The following DYNC2H1 variants were observed in gnomAD, a reference collection of about 807,000 sequenced individuals.
The protein encoded by DYNC2H1 is cytoplasmic dynein 2 heavy chain 1.
DYNC2H1 carries 410 observed loss-of-function variants against 570.0 expected under a neutral mutation model. The observed-to-expected ratio is 0.72, with a 90% CI of 0.66 to 0.78. The LOEUF (loss-of-function observed/expected upper bound fraction) is 0.78. Among genes scored for constraint, DYNC2H1 ranks in the 30% least tolerant of loss-of-function variants. The pLI, the probability that DYNC2H1 is intolerant of heterozygous loss-of-function variation, is 0.00. For missense variants in DYNC2H1, 4,865 were observed against 5,046.4 expected (o/e 0.96, Z 1.09); for synonymous variants, 1,688 against 1,677.6 (o/e 1.01, Z -0.15).
In DYNC2H1 at chr11:103,268,404, G is replaced by A. The variant is rs1865586316; in HGVS notation, c.10695+8427G>A. Reference sequence around the variant, plus strand: ...TTTAAATAAGCTTTTGCTTTATATAGAAAAAGTCTATTTTGCTGTAATTAT... The same window carrying A: ...TTTAAATAAGCTTTTGCTTTATATAAAAAAAGTCTATTTTGCTGTAATTAT... On this transcript the variant is annotated intron_variant, in intron 70 of 88. Coordinates refer to ENST00000375735, the MANE Select transcript of DYNC2H1 (RefSeq NM_001377.3). This position sits in a 1 kb window ranked among gnomAD's most constrained non-coding sequence, Gnocchi z 4.6. 6.6e-6 allele frequency among the ~76,000 whole-genome samples: 1 copy of A among 151,716 alleles called. No individual in the cohort carries two copies. Among genetic ancestry groups the A allele is most frequent in the African/African-American group, 2.4e-5 (1 of 41,364 alleles).
intron 84 of DYNC2H1, among the ~76,000 whole-genome samples, chr11:103,419,817 G>C (rs1469828701): frequency 6.6e-6 from 1 of 152,046 alleles, no homozygotes; most frequent in African/African-American, 2.4e-5. Flanking sequence ...GCTTCAGAAG[G>C]TGTGTAATAA....
At chr11:103,314,531 A>G (rs534105010) in intron 79 of DYNC2H1, among the ~76,000 whole-genome samples, 1 of 152,190 alleles carries the variant, frequency 6.6e-6, no homozygotes, top group African/African-American at 2.4e-5. Context: ...ACACCTATTT[A>G]TAGCTGTCAA....
intron 48 of DYNC2H1, among the ~76,000 whole-genome samples, chr11:103,198,280 G>A (rs1369618820): frequency 6.6e-6 from 1 of 152,118 alleles, no homozygotes; most frequent in Non-Finnish European, 1.5e-5. Flanking sequence ...TTTGGGCAAA[G>A]GTATGTTGGA....
chr11:103,232,093 T>A (rs1040007382), intron 60 of DYNC2H1, among the ~76,000 whole-genome samples: 1 of 151,950 alleles, frequency 6.6e-6, no homozygotes, highest in African/African-American at 2.4e-5. Flanking sequence ...ATAAGTATAA[T>A]GTATTATTTT....
In DYNC2H1 at chr11:103,235,907, T is replaced by C. The variant is rs558705968; in HGVS notation, c.9709+94T>C. 19 of 1,443,418 alleles carry C rather than the reference T, an allele frequency of 1.3e-5. No individual in the cohort carries two copies. In the East Asian group the frequency reaches 4.2e-4, roughly 32 times the overall value. The allele number at this position is 1,443,418 out of a possible 1,614,324, so 89.4% of individuals were successfully genotyped here. A position where few individuals can be genotyped will look rare whatever the true frequency, so the allele number is the denominator to read the frequency against. ...TACTAAAAATAGACCCTTTATTCTC[T>C]GTTATTTTACCTTTTTTAAATGGGG... On this transcript the variant is annotated intron_variant, in intron 62 of 88. Transcript: ENST00000375735.
intron 83 of DYNC2H1, among the ~76,000 whole-genome samples, chr11:103,360,085 G>A (rs1940563138): frequency 1.3e-5 from 2 of 151,484 alleles, no homozygotes; most frequent in Admixed American, 1.3e-4. Flanking sequence ...TAGAATCTGG[G>A]TAGAGTACAA....
chr11:103,139,102 C>A (rs1859746339), intron 17 of DYNC2H1, among the ~76,000 whole-genome samples: 1 of 151,716 alleles, frequency 6.6e-6, no homozygotes, highest in Non-Finnish European at 1.5e-5. Flanking sequence ...ATTCTTCTCT[C>A]TTTTTTTCTT....
At chr11:103,207,986 G>A (rs1863004983) in intron 52 of DYNC2H1, among the ~76,000 whole-genome samples, 2 of 152,128 alleles carry the variant, frequency 1.3e-5, no homozygotes, top group Admixed American at 1.3e-4. Context: ...GTAGATAGTA[G>A]GTTTCAGTGG....
intron 82 of DYNC2H1, among the ~76,000 whole-genome samples, chr11:103,347,189 ACTCAGTTTAATCAATAGG>A (rs1364678794): frequency 1.3e-5 from 2 of 152,220 alleles, no homozygotes; most frequent in Non-Finnish European, 2.9e-5. Flanking sequence ...AAGATAACGA[ACTCAGTTTAATCAATAGG>A]TTAATGGCAG....
chr11:103,342,782 T>C (rs72977681), intron 82 of DYNC2H1, among the ~76,000 whole-genome samples: 32,837 of 151,876 alleles, frequency 0.22, 3,678 homozygotes, highest in Admixed American at 0.31. Context: ...TGCACCTGGC[T>C]GGGTCTGTGC....
intron 65 of DYNC2H1, among the ~76,000 whole-genome samples, chr11:103,250,622 C>T (rs1864794686): frequency 6.6e-6 from 1 of 152,090 alleles, no homozygotes. Context: ...TTTGTTATTT[C>T]ATTCCTATCA....
chr11:103,444,984 G>C (rs1003996126), intron 85 of DYNC2H1, among the ~76,000 whole-genome samples: 1 of 152,156 alleles, frequency 6.6e-6, no homozygotes, highest in African/African-American at 2.4e-5. Context: ...GATTCCGCTG[G>C]TATATGAATA....
intron 84 of DYNC2H1, among the ~76,000 whole-genome samples, chr11:103,424,501 CTTAT>C (rs1298592581): frequency 6.6e-6 from 1 of 152,046 alleles, no homozygotes; most frequent in Non-Finnish European, 1.5e-5. Context: ...CATACAAATA[CTTAT>C]TTGTGAATGT....
At chr11:103,399,563 A>T in intron 83 of DYNC2H1, 100 bp from the exon 84 acceptor site, 1 of 818,358 alleles carries the variant, frequency 1.2e-6, no homozygotes, top group Non-Finnish European at 1.9e-6. Flanking sequence ...AATAGTTTTT[A>T]AAACAGAATA....
chr11:103,166,744 A>C (rs1861321935), intron 31 of DYNC2H1, among the ~76,000 whole-genome samples: 1 of 151,974 alleles, frequency 6.6e-6, no homozygotes, highest in African/African-American at 2.4e-5. Flanking sequence ...GGCAGCATTC[A>C]AGATTTTCTC....
At position 103,179,006 on chromosome 11, in the gene DYNC2H1, C is replaced by T. The variant is rs188704065; in HGVS notation, c.6140-20C>T. On this transcript the variant is annotated intron_variant, in intron 38 of 88. Coordinates refer to ENST00000375735, the MANE Select transcript of DYNC2H1 (RefSeq NM_001377.3). Reference sequence around the variant, plus strand: ...TGCATATATTTTTATTTTGTCTCCACTGTTTTGATTTGAAAATAGATGTCA... The same window carrying T: ...TGCATATATTTTTATTTTGTCTCCATTGTTTTGATTTGAAAATAGATGTCA... 77 of 1,589,840 alleles carry T rather than the reference C, an allele frequency of 4.8e-5. No homozygotes were observed. In the East Asian group the frequency reaches 1.7e-3, roughly 34 times the overall value.
At chr11:103,335,819 T>C (rs746340046) in intron 82 of DYNC2H1, among the ~76,000 whole-genome samples, 4 of 152,138 alleles carry the variant, frequency 2.6e-5, no homozygotes, top group Non-Finnish European at 5.9e-5. Flanking sequence ...ATGGTAAACA[T>C]TTTATGTGAA....
At chr11:103,420,798 A>C (rs571488127) in intron 84 of DYNC2H1, among the ~76,000 whole-genome samples, 23 of 152,284 alleles carry the variant, frequency 1.5e-4, no homozygotes, top group South Asian at 1.5e-3. Context: ...GACCAGTGAC[A>C]CTATGGAGAA....
At chr11:103,358,457 G>GCA in intron 83 of DYNC2H1, 98 bp downstream of exon 83, 2 of 798,052 alleles carry the variant, frequency 2.5e-6, no homozygotes, top group Non-Finnish European at 4.1e-6. Flanking sequence ...TAATCACATT[G>GCA]CAGAGGTTCC....
Sources: gnomAD v4.1 joint callset for allele counts (sites outside exome capture counted in the v4.1 genomes callset) on GRCh38, gnomAD v4.1.1 for gene constraint, Gnocchi (gnomAD v3.1) non-coding constraint, MANE v1.5 for transcripts, NCBI Gene and HGNC (gene_info 2026-07-23, HGNC 2026-07-21) for gene names.